The following ATP6V1D variants were observed in gnomAD, a reference collection of about 807,000 sequenced individuals.
ATP6V1D encodes V-type proton ATPase subunit D.
Under a neutral mutation model 39.4 loss-of-function variants are expected in ATP6V1D, and 20 were observed. The ratio of observed to expected loss-of-function variants is 0.51; its 90% CI spans 0.36 to 0.74. ATP6V1D has a LOEUF of 0.74. ATP6V1D is among the 30% of genes least tolerant of loss of function. The pLI is 0.00. For synonymous variants in ATP6V1D, 100 were observed against 100.5 expected, an observed-to-expected ratio of 0.99 and a Z score of 0.03; for missense variants, 228 against 291.6, an observed-to-expected ratio of 0.78 and a Z score of 1.59.
At chr14:67,356,247 C>T (rs576258540) in intron 1 of ATP6V1D, among the ~76,000 whole-genome samples, 1 of 151,942 alleles carries the variant, frequency 6.6e-6, no homozygotes, top group Admixed American at 6.5e-5. Context: ...TAGTGAAACC[C>T]CATCTCTACC....
intron 1 of ATP6V1D, 133 bp downstream of exon 1, chr14:67,359,525 T>G: frequency 9.9e-7 from 1 of 1,008,538 alleles, no homozygotes; most frequent in Non-Finnish European, 1.5e-6. Context: ...CGCCCTAGAC[T>G]CAAGAAAAGA....
chr14:67,341,184 G>C (rs1448760570), intron 7 of ATP6V1D, among the ~76,000 whole-genome samples: 2 of 152,150 alleles, frequency 1.3e-5, no homozygotes, highest in Non-Finnish European at 2.9e-5. Context: ...AGTCTGGAAA[G>C]TGAGGAGCGT....
At position 67,349,061 on chromosome 14, in the gene ATP6V1D, G is replaced by A. The variant is rs766049551; in HGVS notation, c.283C>T (p.Arg95Ter). 6 of 1,614,014 alleles carry A rather than the reference G, an allele frequency of 3.7e-6. No homozygotes were observed. The highest frequency in any genetic ancestry group is 5.1e-6 in the Non-Finnish European group (6 of 1,179,954). The change falls in exon 4 of 9, where the codon CGA (arginine) becomes TGA (stop). Residue 95 changes from arginine (R) to a stop codon, truncating the protein, a stop_gained. Coordinates refer to ENST00000216442, the MANE Select transcript of ATP6V1D (RefSeq NM_015994.4). LOFTEE classifies it high-confidence loss of function. Reference sequence around the variant, plus strand: ...CCTGCTACATTATCTTTCTTCGCTCGAATCTTCACTTGCGCTTTATTGACA... The same window carrying A: ...CCTGCTACATTATCTTTCTTCGCTCAAATCTTCACTTGCGCTTTATTGACA... ...QNVNKAQVKI[R>*]AKKDNVAGVT...
In ATP6V1D at chr14:67,338,443, A is replaced by T. The variant is rs757885532; in HGVS notation, c.*178T>A. On this transcript the variant is annotated 3_prime_UTR_variant, in exon 9 of 9. Transcript: ENST00000216442. ...TTTACAGATCTCTTTCATCCATGAT[A>T]AATGGTTGCTAAATTATGATTCTGC... 16 of 661,454 alleles carry T rather than the reference A, an allele frequency of 2.4e-5. No individual in the cohort carries two copies. The highest frequency in any genetic ancestry group is 3.9e-5 in the Non-Finnish European group (16 of 407,130). 41.0% of individuals were successfully genotyped at this position (661,454 alleles called of 1,614,324 possible). A position where few individuals can be genotyped will look rare whatever the true frequency, so the allele number is the denominator to read the frequency against.
In ATP6V1D at chr14:67,349,111, A is replaced by G. The variant is rs2085641070; in HGVS notation, c.240-7T>C. 3 of 1,613,318 alleles carry G rather than the reference A, an allele frequency of 1.9e-6. No individual in the cohort carries two copies. The highest frequency in any genetic ancestry group is 2.5e-6 in the Non-Finnish European group (3 of 1,179,494). On this transcript the variant is annotated splice_polypyrimidine_tract_variant and splice_region_variant and intron_variant, in intron 3 of 8. Coordinates refer to ENST00000216442, the MANE Select transcript of ATP6V1D (RefSeq NM_015994.4). ...ATTTTGGATAACTGTAGTGCTGCAG[A>G]AAAAGAGAAAGACTTTATTTAGCAG...
intron 2 of ATP6V1D, 85 bp from the exon 3 acceptor site, chr14:67,350,775 T>C: frequency 2.3e-6 from 3 of 1,299,408 alleles, no homozygotes; most frequent in Non-Finnish European, 3.3e-6. Context: ...TTAATAACCA[T>C]CAGTATTTTA....
In ATP6V1D at chr14:67,345,843, A is replaced by T. The variant is rs774588090; in HGVS notation, c.381T>A (p.Gly127=). ...TCTTTAATTTAGCCAACTGTTCCCC[A>T]CCTCTGGCTAAACCAGTCAGTTCAT... ...DSYELTGLAR[G]GEQLAKLKRN... Residue 127 remains glycine, a synonymous_variant, in exon 6 of 9, where the codon GGT becomes GGA. Coordinates refer to ENST00000216442, the MANE Select transcript of ATP6V1D (RefSeq NM_015994.4). 1.2e-6 allele frequency: 2 copies of T among 1,614,024 alleles called. No homozygotes were observed. The highest frequency in any genetic ancestry group is 1.7e-6 in the Non-Finnish European group (2 of 1,179,912).
chr14:67,340,269 A>T, intron 8 of ATP6V1D, 171 bp downstream of exon 8: 1 of 582,744 alleles, frequency 1.7e-6, no homozygotes, highest in Non-Finnish European at 3.0e-6. Context: ...GTAAAATTTG[A>T]CAGATTTGTT....
intron 8 of ATP6V1D, chr14:67,340,207 A>G (rs2085569398): frequency 2.2e-6 from 1 of 460,164 alleles, no homozygotes; most frequent in African/African-American, 1.9e-5. Context: ...TCAAACCTAA[A>G]CAGTTTCTCT....
chr14:67,358,488 T>C (rs1289423336), intron 1 of ATP6V1D, among the ~76,000 whole-genome samples: 1 of 151,798 alleles, frequency 6.6e-6, no homozygotes, highest in East Asian at 1.9e-4. Context: ...AGGACCACAA[T>C]AAAAGGGTCT....
At chr14:67,346,976 C>T (rs2141100668) in intron 5 of ATP6V1D, among the ~76,000 whole-genome samples, 1 of 152,194 alleles carries the variant, frequency 6.6e-6, no homozygotes, top group East Asian at 1.9e-4. Context: ...TGTTTTATGA[C>T]TTCCTAGCAT....
chr14:67,338,838 T>C, intron 8 of ATP6V1D, 76 bp from the exon 9 acceptor site: 1 of 1,380,092 alleles, frequency 7.2e-7, no homozygotes, highest in Non-Finnish European at 9.9e-7. Context: ...TTGAGTTTTG[T>C]AACAAGGATA....
chr14:67,347,361 A>T lies in ATP6V1D; in HGVS notation c.352+48T>A, dbSNP rs1432224193. 3 of 1,466,882 alleles carry T rather than the reference A, an allele frequency of 2.0e-6. No homozygotes were observed. The Admixed American group carries it at 5.5e-5, about 27-fold the overall frequency. The allele number at this position is 1,466,882 out of a possible 1,614,324, so 90.9% of individuals were successfully genotyped here. A position where few individuals can be genotyped will look rare whatever the true frequency, so the allele number is the denominator to read the frequency against. On this transcript the variant is annotated intron_variant, in intron 5 of 8. Transcript: ENST00000216442. ...AGAACTTAGTTCATTTAAAGAGGAA[A>T]CAGGAAATCCCAGAGACACAAAGTA...
At chr14:67,349,904 A>G (rs994089476) in intron 3 of ATP6V1D, among the ~76,000 whole-genome samples, 2 of 152,216 alleles carry the variant, frequency 1.3e-5, no homozygotes, top group African/African-American at 4.8e-5. Context: ...GAAAGCTCCT[A>G]GATAATAGGC....
chr14:67,349,780 A>G (rs2085644430), intron 3 of ATP6V1D, among the ~76,000 whole-genome samples: 1 of 152,180 alleles, frequency 6.6e-6, no homozygotes, highest in Non-Finnish European at 1.5e-5. Context: ...CTTATACACT[A>G]TTGATTGATC....
intron 1 of ATP6V1D, among the ~76,000 whole-genome samples, chr14:67,358,080 G>C (rs759938069): frequency 4.6e-5 from 7 of 152,138 alleles, no homozygotes; most frequent in Non-Finnish European, 8.8e-5. Flanking sequence ...AGCTTTTTCA[G>C]GCAGGCATTT....
At chr14:67,346,165 A>T (rs2085618140) in intron 5 of ATP6V1D, among the ~76,000 whole-genome samples, 2 of 152,226 alleles carry the variant, frequency 1.3e-5, no homozygotes, top group South Asian at 4.1e-4. Context: ...ATACTGCCTG[A>T]TGCCCAGAGT....
In ATP6V1D at chr14:67,358,990, A is replaced by T. The variant is rs80297475; in HGVS notation, c.41+668T>A. On this transcript the variant is annotated intron_variant, in intron 1 of 8. Coordinates refer to ENST00000216442, the MANE Select transcript of ATP6V1D (RefSeq NM_015994.4). ...ACAGTCTAGTGGGAGAGAAAGACAC[A>T]TAAACAAATATCTACTTTACAGCGT... 6.9e-3 allele frequency among the ~76,000 whole-genome samples: 1,052 copies of T among 152,336 alleles called. 6 individuals carry two copies. The highest frequency in any genetic ancestry group is 0.01 in the Non-Finnish European group (708 of 68,026).
Position 67,359,680 on chromosome 14 carries a change from T to C in ATP6V1D, c.19A>G (p.Ile7Val), listed in dbSNP as rs1296128167. The C allele has an allele frequency of 1.9e-6, 3 of 1,613,928 alleles. No homozygotes were observed. The highest frequency in any genetic ancestry group is 1.3e-5 in the African/African-American group (1 of 74,894). ...TACATTCGCGAGGGAAAGATTTCAA[T>C]TCGGTCTTTGCCCGACATTCTGACG... is the stretch of plus-strand genomic sequence containing the variant. MSGKDR[I>V]EIFPSRMAQT... The change falls in exon 1 of 9, where the codon ATT becomes GTT. Residue 7 changes from isoleucine (I) to valine (V), a missense_variant. Transcript: ENST00000216442.
Sources: allele counts gnomAD v4.1 joint callset (sites outside exome capture counted in the v4.1 genomes callset), GRCh38; gene constraint gnomAD v4.1.1; transcripts MANE v1.5; gene names NCBI Gene and HGNC (gene_info 2026-07-23, HGNC 2026-07-21).